The following METTL25 variants were observed in gnomAD, a reference collection of about 807,000 sequenced individuals.
METTL25 encodes the protein methyltransferase like 25.
A neutral mutation model predicts 71.6 loss-of-function variants in METTL25; 64 were observed. That is an observed-to-expected ratio of 0.89 (90% CI 0.73 to 1.10). METTL25 has a LOEUF of 1.10. METTL25 is among the 50% of genes least tolerant of loss of function. The pLI, the probability that METTL25 is intolerant of heterozygous loss-of-function variation, is 0.00. For missense variants in METTL25, 807 were observed against 707.0 expected (o/e 1.14, Z -1.60); for synonymous variants, 287 against 250.3 (o/e 1.15, Z -1.38).
intron 8 of METTL25, among the ~76,000 whole-genome samples, chr12:82,444,062 C>T (rs1262853847): frequency 6.6e-6 from 1 of 152,090 alleles, no homozygotes; most frequent in Non-Finnish European, 1.5e-5. Flanking sequence ...GAAAATGATA[C>T]AAATACTTCA....
At chr12:82,403,204 C>A in intron 5 of METTL25, 74 bp downstream of exon 5, 1 of 1,433,470 alleles carries the variant, frequency 7.0e-7, no homozygotes, top group Non-Finnish European at 9.5e-7. Context: ...TTTTCTATTT[C>A]TCCCCGTTTT....
At chr12:82,411,986 C>A (rs375203136) in intron 5 of METTL25, among the ~76,000 whole-genome samples, 1 of 152,022 alleles carries the variant, frequency 6.6e-6, no homozygotes, top group Non-Finnish European at 1.5e-5. Flanking sequence ...TCCAAACGTG[C>A]GATCTTTAAC....
At chr12:82,466,971 A>AG (rs1892275161) in intron 9 of METTL25, among the ~76,000 whole-genome samples, 1 of 151,908 alleles carries the variant, frequency 6.6e-6, no homozygotes, top group Non-Finnish European at 1.5e-5. Context: ...CAAAGTCTGG[A>AG]GAGCCATGGC....
chr12:82,417,465 A>C (rs1263655771), intron 5 of METTL25, among the ~76,000 whole-genome samples: 1 of 152,186 alleles, frequency 6.6e-6, no homozygotes, highest in African/African-American at 2.4e-5. Flanking sequence ...AAAAAGTTAA[A>C]GTTTGTTTGG....
rs944596308 is a variant in METTL25 at position 82,461,930 on chromosome 12, C to T, written c.1572+5110C>T. ...CTGAGCATGATTTCTTATATATTGT[C>T]TCCCACTCTAGTTTCTCTTTAGGAC... On this transcript the variant is annotated intron_variant, in intron 9 of 11. Transcript: ENST00000248306. Among the ~76,000 whole-genome samples, 3 of 152,198 alleles carry T rather than the reference C, an allele frequency of 2.0e-5. No individual in the cohort carries two copies. In the South Asian group the frequency reaches 6.2e-4, roughly 31 times the overall value.
chr12:82,413,034 T>TA (rs1424072382), intron 5 of METTL25, among the ~76,000 whole-genome samples: 4 of 152,076 alleles, frequency 2.6e-5, no homozygotes, highest in Non-Finnish European at 4.4e-5. Flanking sequence ...AAGAAAGATT[T>TA]AAAAAACAGT....
chr12:82,438,632 G>A lies in METTL25; in HGVS notation c.1405-86G>A, dbSNP rs149449024. ...TGTTTAGCAACAAAGGTTTCTGACAGTCACGTGTGGTTCCAACATTCTGGT... is the reference window on the plus strand; with the variant it reads ...TGTTTAGCAACAAAGGTTTCTGACAATCACGTGTGGTTCCAACATTCTGGT... On this transcript the variant is annotated intron_variant, in intron 7 of 11. Transcript: ENST00000248306. The A allele has an allele frequency of 2.1e-4, 161 of 759,988 alleles. No individual in the cohort carries two copies. The East Asian group carries it at 4.8e-3, about 23-fold the overall frequency. The allele number at this position is 759,988 out of a possible 1,614,324, so 47.1% of individuals were successfully genotyped here.
At chr12:82,416,990 AG>A (rs1244111588) in intron 5 of METTL25, among the ~76,000 whole-genome samples, 4 of 152,162 alleles carry the variant, frequency 2.6e-5, no homozygotes, top group African/African-American at 9.6e-5. Flanking sequence ...TAAAATTCTA[AG>A]GTGGGAAATG....
chr12:82,474,945 C>T (rs1892797048), intron 9 of METTL25, among the ~76,000 whole-genome samples: 1 of 152,030 alleles, frequency 6.6e-6, no homozygotes, highest in South Asian at 2.1e-4. Flanking sequence ...AGGAAATGCC[C>T]ACGGTTACAG....
At chr12:82,445,833 G>T (rs1045281022) in intron 8 of METTL25, among the ~76,000 whole-genome samples, 1 of 152,196 alleles carries the variant, frequency 6.6e-6, no homozygotes, top group Non-Finnish European at 1.5e-5. Flanking sequence ...TAACACCTTT[G>T]CTGCAGCTAT....
intron 8 of METTL25, among the ~76,000 whole-genome samples, chr12:82,443,790 C>G (rs1890538423): frequency 6.8e-6 from 1 of 147,270 alleles, no homozygotes; most frequent in Non-Finnish European, 1.5e-5. Context: ...TTTTTAACAA[C>G]CAGGTCTTGT....
In METTL25 at chr12:82,372,520, A is replaced by T. The variant is rs547389082; in HGVS notation, c.259+13696A>T. Among the ~76,000 whole-genome samples, 112 of 152,256 alleles carry T rather than the reference A, an allele frequency of 7.4e-4. No homozygotes were observed. The South Asian group carries it at 0.017, about 23-fold the overall frequency. ...TGAAAAGAAAGCTTGGACATAAGGT[A>T]TTTCACTCCATTTGCCTTCCCTTTT... On this transcript the variant is annotated intron_variant, in intron 1 of 11. Transcript: ENST00000248306.
At chr12:82,413,679 C>T (rs1887732481) in intron 5 of METTL25, among the ~76,000 whole-genome samples, 1 of 152,008 alleles carries the variant, frequency 6.6e-6, no homozygotes, top group South Asian at 2.1e-4. Context: ...TGATACCATT[C>T]TATAACTTGA....
intron 1 of METTL25, among the ~76,000 whole-genome samples, chr12:82,375,740 A>G (rs935021570): frequency 6.6e-6 from 1 of 152,200 alleles, no homozygotes; most frequent in Non-Finnish European, 1.5e-5. Context: ...ACCTTTGAGC[A>G]TCTCTTTTAT....
intron 9 of METTL25, among the ~76,000 whole-genome samples, chr12:82,472,407 G>A (rs1028538981): frequency 1.3e-5 from 2 of 152,142 alleles, no homozygotes; most frequent in Admixed American, 6.5e-5. Flanking sequence ...GCCCATCCTG[G>A]CTAACACGGT....
rs750922345 is a variant in METTL25, at chr12:82,438,763, A to T, written c.1450A>T (p.Ile484Phe). The change falls in exon 8 of 12, where the codon ATT (isoleucine) becomes TTT (phenylalanine). Residue 484 changes from isoleucine to phenylalanine, a missense_variant. Transcript: ENST00000248306. ...CTATCGTGCTGTTCTTCAGGATATT[A>T]TTAAAGATTGTTATGGCATCACCAA... ...LFYRAVLQDI[I>F]KDCYGITKCD... 6.5e-7 allele frequency: 1 copy of T among 1,538,700 alleles called. No individual in the cohort carries two copies. The highest frequency in any genetic ancestry group is 1.8e-5 in the Admixed American group (1 of 55,218).
intron 5 of METTL25, among the ~76,000 whole-genome samples, chr12:82,406,719 A>G (rs10732236): frequency 1 from 151,677 of 152,178 alleles, 75,591 homozygotes; most frequent in Middle Eastern, 1. Context: ...TTTCAAAATA[A>G]TATAGTAATT....
chr12:82,441,395 G>C (rs1033409124), intron 8 of METTL25, among the ~76,000 whole-genome samples: 8 of 151,702 alleles, frequency 5.3e-5, no homozygotes, highest in African/African-American at 1.9e-4. Context: ...ACAGTCAACA[G>C]AAATGTACCC....
intron 8 of METTL25, among the ~76,000 whole-genome samples, chr12:82,455,217 T>C (rs1487493097): frequency 6.6e-6 from 1 of 151,810 alleles, no homozygotes; most frequent in Admixed American, 6.6e-5. Context: ...GAAGTTAATA[T>C]TAAATGGCCT....
Sources: gnomAD v4.1 joint callset for allele counts (sites outside exome capture counted in the v4.1 genomes callset) on GRCh38, gnomAD v4.1.1 for gene constraint, MANE v1.5 for transcripts, NCBI Gene and HGNC (gene_info 2026-07-23, HGNC 2026-07-21) for gene names.